The following BMPER variants were observed in gnomAD, a reference collection of about 807,000 sequenced individuals.
BMPER encodes the protein BMP-binding endothelial regulator protein.
BMPER carries 45 observed loss-of-function variants against 87.3 expected under a neutral mutation model. That is an observed-to-expected ratio of 0.52 (90% confidence interval 0.41 to 0.66). The LOEUF (loss-of-function observed/expected upper bound fraction) is 0.66, where lower values mean the gene tolerates loss of function less well. Ranked by LOEUF, BMPER falls within the 30% of genes least tolerant of loss-of-function variation. BMPER has a pLI of 0.00. For missense variants in BMPER, 784 were observed against 867.5 expected (o/e 0.90, Z 1.21); for synonymous variants, 326 against 316.2 (o/e 1.03, Z -0.33).
chr7:33,935,598 GAGAGAGAGAGAGAGAAGGAGAA>G (rs1319289580), intron 2 of BMPER, among the ~76,000 whole-genome samples: 1 of 151,478 alleles, frequency 6.6e-6, no homozygotes, highest in Non-Finnish European at 1.5e-5. Context: ...AAGAGACAGA[GAGAGAGAGAGAGAGAAGGAGAA>G]AGAGAGAGAG....
intron 13 of BMPER, among the ~76,000 whole-genome samples, chr7:34,092,982 G>A (rs1544640): frequency 0.98 from 148,966 of 152,312 alleles, 72,941 homozygotes; most frequent in East Asian, 1. Flanking sequence ...TAGTTAGCCA[G>A]CTTCAAAGTT....
chr7:33,915,909 C>T (rs1168038937), intron 2 of BMPER, among the ~76,000 whole-genome samples: 1 of 152,160 alleles, frequency 6.6e-6, no homozygotes, highest in African/African-American at 2.4e-5. Context: ...AATTGCCTAA[C>T]ATTTCTATAT....
At chr7:34,001,667 G>T (rs1025108329) in intron 6 of BMPER, among the ~76,000 whole-genome samples, 1 of 149,208 alleles carries the variant, frequency 6.7e-6, no homozygotes, top group Non-Finnish European at 1.5e-5. Context: ...TTCTATTCTC[G>T]ATTTCACATA....
chr7:33,917,625 A>G (rs1259220524), intron 2 of BMPER, among the ~76,000 whole-genome samples: 1 of 152,202 alleles, frequency 6.6e-6, no homozygotes, highest in Non-Finnish European at 1.5e-5. Context: ...GAGCGAGGAT[A>G]TGCAGATAAA....
intron 8 of BMPER, among the ~76,000 whole-genome samples, chr7:34,052,743 G>T (rs1197022439): frequency 6.6e-6 from 1 of 151,688 alleles, no homozygotes; most frequent in Non-Finnish European, 1.5e-5. Context: ...CTCAATATCA[G>T]CTATGAGTCA....
At chr7:34,138,970 T>C (rs1022814911) in intron 13 of BMPER, among the ~76,000 whole-genome samples, 3 of 152,236 alleles carry the variant, frequency 2.0e-5, no homozygotes, top group African/African-American at 7.2e-5. Flanking sequence ...GGGTGCATAC[T>C]GATTAAGAAA....
intron 6 of BMPER, among the ~76,000 whole-genome samples, chr7:34,020,825 G>A (rs1268637765): frequency 2.0e-5 from 3 of 151,410 alleles, no homozygotes; most frequent in Non-Finnish European, 4.4e-5. Flanking sequence ...GCAGCATGGG[G>A]TCTTTCAATG....
At chr7:34,046,926 A>ATTTT (rs5883443) in intron 7 of BMPER, among the ~76,000 whole-genome samples, 20 of 146,414 alleles carry the variant, frequency 1.4e-4, no homozygotes, top group South Asian at 6.5e-4. Flanking sequence ...TAGGCACTTT[A>ATTTT]TTTTTTTTTT....
chr7:34,029,403 C>G (rs1787466434), intron 6 of BMPER, among the ~76,000 whole-genome samples: 1 of 152,070 alleles, frequency 6.6e-6, no homozygotes, highest in Non-Finnish European at 1.5e-5. Context: ...ACCCCTGCCT[C>G]ATCAGAAGAG....
Position 34,150,899 on chromosome 7 carries a change from A to C in BMPER, c.1877-2193A>C, listed in dbSNP as rs185597387. 1.7e-3 allele frequency among the ~76,000 whole-genome samples: 255 copies of C among 152,330 alleles called. 1 individual carries two copies. Among genetic ancestry groups the C allele is most frequent in the African/African-American group, 5.9e-3 (247 of 41,586 alleles). ...CTATGAGAGGATGAAACTGATGACT[A>C]CAATTTCATGTTGTAAATGCAGTGA... is the stretch of plus-strand genomic sequence containing the variant. On this transcript the variant is annotated intron_variant, in intron 14 of 14. Coordinates refer to ENST00000649409, the MANE Select transcript of BMPER (RefSeq NM_001365308.1).
intron 13 of BMPER, among the ~76,000 whole-genome samples, chr7:34,097,673 A>T (rs775012061): frequency 3.3e-4 from 50 of 152,202 alleles, no homozygotes; most frequent in African/African-American, 1.0e-3. Flanking sequence ...GGGTTCAGGA[A>T]CCACATCTTG....
intron 6 of BMPER, among the ~76,000 whole-genome samples, chr7:34,032,357 G>A (rs879386493): frequency 6.6e-6 from 1 of 152,058 alleles, no homozygotes; most frequent in Non-Finnish European, 1.5e-5. Context: ...TCATCAGGAA[G>A]TAGGGTTTCC....
intron 13 of BMPER, among the ~76,000 whole-genome samples, chr7:34,137,896 G>A (rs1181410775): frequency 1.3e-5 from 2 of 152,182 alleles, no homozygotes; most frequent in African/African-American, 4.8e-5. Context: ...TGCCCAATCA[G>A]AGGTGAGCTT....
intron 6 of BMPER, among the ~76,000 whole-genome samples, chr7:34,024,357 CAAAAAAAA>C (rs1169634357): frequency 2.1e-4 from 1 of 4,654 alleles, no homozygotes; most frequent in African/African-American, 1.2e-3. Flanking sequence ...AACTCTGTCT[CAAAAAAAA>C]AAAAAAAAAA....
chr7:34,065,644 A>G (rs1399700627), intron 11 of BMPER, among the ~76,000 whole-genome samples: 2 of 152,212 alleles, frequency 1.3e-5, no homozygotes, highest in Non-Finnish European at 2.9e-5. Context: ...ATGTTTCTGT[A>G]TTTTAATTCT....
intron 13 of BMPER, among the ~76,000 whole-genome samples, chr7:34,131,758 A>G (rs1278586245): frequency 6.6e-6 from 1 of 152,184 alleles, no homozygotes; most frequent in Non-Finnish European, 1.5e-5. Context: ...TCGGCTGCCA[A>G]TGGGAAGACT....
chr7:33,917,293 A>T (rs1186001860), intron 2 of BMPER, among the ~76,000 whole-genome samples: 1 of 152,174 alleles, frequency 6.6e-6, no homozygotes, highest in East Asian at 1.9e-4. Flanking sequence ...TAGGTTTTGG[A>T]TGTTAGCTCC....
intron 5 of BMPER, among the ~76,000 whole-genome samples, chr7:33,972,535 T>C (rs1785575267): frequency 1.3e-5 from 2 of 152,022 alleles, no homozygotes; most frequent in Non-Finnish European, 2.9e-5. Context: ...CCATCCACTG[T>C]TTATACACAA....
At chr7:34,085,618 A>G (rs909518367) in intron 12 of BMPER, 138 bp from the exon 13 acceptor site, 3 of 798,450 alleles carry the variant, frequency 3.8e-6, no homozygotes, top group Non-Finnish European at 6.4e-6. Context: ...TTAAGAGGTA[A>G]CCAAGAATTT....
Sources: gnomAD v4.1 joint callset for allele counts (sites outside exome capture counted in the v4.1 genomes callset) on GRCh38, gnomAD v4.1.1 for gene constraint, MANE v1.5 for transcripts, NCBI Gene and HGNC (gene_info 2026-07-23, HGNC 2026-07-21) for gene names.